The following PPARGC1A variants were observed in gnomAD, a reference collection of about 807,000 sequenced individuals.
The protein encoded by PPARGC1A is peroxisome proliferator-activated receptor gamma coactivator 1-alpha.
PPARGC1A carries 25 observed loss-of-function variants against 88.7 expected under a neutral mutation model. The ratio of observed to expected loss-of-function variants is 0.28; its 90% CI spans 0.21 to 0.39. The LOEUF is 0.39. Among genes scored for constraint, PPARGC1A ranks in the 10% least tolerant of loss-of-function variants. PPARGC1A has a pLI of 1.00. For missense variants in PPARGC1A, 880 were observed against 968.7 expected, an observed-to-expected ratio of 0.91 and a Z score of 1.22; for synonymous variants, 363 against 355.6, an observed-to-expected ratio of 1.02 and a Z score of -0.24.
chr4:24,409,743 T>C, the PPARGC1A span, among the ~76,000 whole-genome samples: 1 of 152,120 alleles, frequency 6.6e-6, no homozygotes, highest in African/African-American at 2.4e-5. Context: ...ATTTTTGGGG[T>C]GTGGGGCATC....
the PPARGC1A span, among the ~76,000 whole-genome samples, chr4:24,025,194 G>A: frequency 0.036 from 5,537 of 152,236 alleles, 219 homozygotes; most frequent in African/African-American, 0.095. Context: ...AATGAGATAT[G>A]CAGTGTCTTT....
chr4:24,328,005 T>G, the PPARGC1A span, among the ~76,000 whole-genome samples: 1 of 152,074 alleles, frequency 6.6e-6, no homozygotes. Flanking sequence ...CTGAGCACCT[T>G]GTGACCCCTG....
At chr4:24,310,740 A>G in the PPARGC1A span, among the ~76,000 whole-genome samples, 1 of 152,258 alleles carries the variant, frequency 6.6e-6, no homozygotes, top group African/African-American at 2.4e-5. Context: ...TTTGAAAAAT[A>G]TAACAGAATC....
chr4:24,035,644 C>T, the PPARGC1A span, among the ~76,000 whole-genome samples: 1 of 152,034 alleles, frequency 6.6e-6, no homozygotes, highest in African/African-American at 2.4e-5. Context: ...ATAGCTTAAA[C>T]CAATGTTTCC....
chr4:23,914,675 A>G, the PPARGC1A span, among the ~76,000 whole-genome samples: 1 of 151,722 alleles, frequency 6.6e-6, no homozygotes. Context: ...TCAAAATTGT[A>G]TTTAAAAACA....
chr4:23,944,974 T>C, the PPARGC1A span, among the ~76,000 whole-genome samples: 1 of 152,328 alleles, frequency 6.6e-6, no homozygotes. Flanking sequence ...ACCTATTAGC[T>C]ATATGACCTT....
intron 2 of PPARGC1A, among the ~76,000 whole-genome samples, chr4:23,857,372 TGAC>T (rs1415714284): frequency 3.6e-5 from 4 of 111,518 alleles, no homozygotes; most frequent in Non-Finnish European, 7.5e-5. Context: ...TGTGTGTGTG[TGAC>T]ACACACACAC....
At chr4:23,864,396 C>T (rs1247585216) in intron 2 of PPARGC1A, among the ~76,000 whole-genome samples, 1 of 152,144 alleles carries the variant, frequency 6.6e-6, no homozygotes, top group Non-Finnish European at 1.5e-5. Context: ...TGGTTTCCGG[C>T]AAAATTCTAG....
the PPARGC1A span, among the ~76,000 whole-genome samples, chr4:24,365,193 T>C: frequency 6.6e-6 from 1 of 150,662 alleles, no homozygotes; most frequent in African/African-American, 2.4e-5. Context: ...TGATTTCAAG[T>C]TGCAATGGGA....
At chr4:23,905,633 C>T (rs1270073851), upstream of PPARGC1A, among the ~76,000 whole-genome samples, 2 of 152,188 alleles carry the variant, frequency 1.3e-5, no homozygotes, top group Non-Finnish European at 2.9e-5. Flanking sequence ...TACTGTATAT[C>T]AAATGCTGTG....
chr4:24,341,720 A>AT, the PPARGC1A span, among the ~76,000 whole-genome samples: 1 of 152,220 alleles, frequency 6.6e-6, no homozygotes, highest in East Asian at 1.9e-4. Context: ...GGAGACACAG[A>AT]TTAAAGGCCT....
chr4:23,970,188 A>G, the PPARGC1A span, among the ~76,000 whole-genome samples: 1 of 152,166 alleles, frequency 6.6e-6, no homozygotes, highest in Non-Finnish European at 1.5e-5. Context: ...TCTGCAGAGG[A>G]CTGAGGAAAC....
the PPARGC1A span, among the ~76,000 whole-genome samples, chr4:24,296,603 G>A: frequency 6.6e-6 from 1 of 152,120 alleles, no homozygotes; most frequent in African/African-American, 2.4e-5. Context: ...TGATGTTTGT[G>A]AATTTTACAA....
At chr4:23,809,687 A>G (rs1458880296) in intron 10 of PPARGC1A, among the ~76,000 whole-genome samples, 2 of 152,236 alleles carry the variant, frequency 1.3e-5, no homozygotes, top group African/African-American at 2.4e-5. Flanking sequence ...TTGATATAAA[A>G]AGATAAATGA....
chr4:24,080,327 T>C, the PPARGC1A span, among the ~76,000 whole-genome samples: 1 of 151,996 alleles, frequency 6.6e-6, no homozygotes, highest in Admixed American at 6.5e-5. Context: ...AATTTTTATC[T>C]TCATAGTTTC....
intron 1 of PPARGC1A, among the ~76,000 whole-genome samples, chr4:23,895,316 T>TTTTCTA (rs1258108063): frequency 6.6e-6 from 1 of 151,164 alleles, no homozygotes; most frequent in East Asian, 1.9e-4. Flanking sequence ...ATATATATTT[T>TTTTCTA]TTTCTTTTTC....
the PPARGC1A span, among the ~76,000 whole-genome samples, chr4:24,342,952 G>T: frequency 6.6e-6 from 1 of 152,196 alleles, no homozygotes; most frequent in Non-Finnish European, 1.5e-5. Context: ...AACTGGGCTA[G>T]AGAGACTAGA....
At chr4:24,150,458 A>G in the PPARGC1A span, among the ~76,000 whole-genome samples, 2 of 152,220 alleles carry the variant, frequency 1.3e-5, no homozygotes, top group African/African-American at 4.8e-5. Context: ...ACGTTCAGAA[A>G]AAAACTCATC....
chr4:23,894,926 TATTG>T (rs1227595404), upstream of PPARGC1A, among the ~76,000 whole-genome samples: 1 of 152,170 alleles, frequency 6.6e-6, no homozygotes, highest in African/African-American at 2.4e-5. Flanking sequence ...TGCAGACAGT[TATTG>T]ATTATTTAGA....
Sources: gnomAD v4.1 joint callset for allele counts (sites outside exome capture counted in the v4.1 genomes callset) on GRCh38, gnomAD v4.1.1 for gene constraint, MANE v1.5 for transcripts, NCBI Gene and HGNC (gene_info 2026-07-23, HGNC 2026-07-21) for gene names.